KALRN: variants seen among roughly 807,000 people sequenced by gnomAD.
KALRN encodes kalirin.
KALRN carries 70 observed loss-of-function variants against 353.7 expected under a neutral mutation model. The observed-to-expected ratio is 0.20, with a 90% CI of 0.16 to 0.24. KALRN has a LOEUF of 0.24. Among genes scored for constraint, KALRN ranks in the 10% least tolerant of loss-of-function variants. The pLI is 1.00. For synonymous variants in KALRN, 1,391 were observed against 1,434.8 expected (o/e 0.97, Z 0.69); for missense variants, 2,791 against 3,756.7 (o/e 0.74, Z 6.72).
At chr3:124,230,692 C>T (rs964321770) in intron 2 of KALRN, among the ~76,000 whole-genome samples, 3 of 152,016 alleles carry the variant, frequency 2.0e-5, no homozygotes, top group Non-Finnish European at 4.4e-5. Flanking sequence ...CTGGGGTAAG[C>T]CTTATTCAAC....
intron 1 of KALRN, among the ~76,000 whole-genome samples, chr3:124,045,108 T>G (rs1162768145): frequency 6.6e-6 from 1 of 151,980 alleles, no homozygotes; most frequent in Non-Finnish European, 1.5e-5. Flanking sequence ...AATATTGAGT[T>G]GGCAGCTGGA....
At position 124,713,234 on chromosome 3, in the gene KALRN, C is replaced by A. The variant is rs924633672; in HGVS notation, c.8276+99C>A. On this transcript the variant is annotated intron_variant, in intron 58 of 59. Transcript: ENST00000682506. ...AGACAGTTACATTTTATACAAGGTC[C>A]TATCATTTGCAAAGTGCTGCATATA... The A allele has an allele frequency of 7.9e-6, 8 of 1,008,636 alleles. No homozygotes were observed. In the East Asian group the frequency reaches 1.7e-4, roughly 22 times the overall value. The allele number at this position is 1,008,636 out of a possible 1,614,324, so 62.5% of individuals were successfully genotyped here. A position where few individuals can be genotyped will look rare whatever the true frequency, so the allele number is the denominator to read the frequency against.
chr3:124,413,779 G>T, intron 14 of KALRN, 114 bp downstream of exon 14: 1 of 877,310 alleles, frequency 1.1e-6, no homozygotes, highest in South Asian at 2.0e-5. Context: ...CAGATACAAA[G>T]AATAGAGATT....
intron 56 of KALRN, among the ~76,000 whole-genome samples, chr3:124,700,356 C>T (rs1243630599): frequency 1.3e-5 from 2 of 152,166 alleles, no homozygotes; most frequent in East Asian, 1.9e-4. Context: ...TCCTCCCACC[C>T]GGGCACCCCT....
In KALRN at chr3:124,649,344, G is replaced by T. The variant is rs1209155212; in HGVS notation, c.5665-1464G>T. On this transcript the variant is annotated intron_variant, in intron 37 of 59. Coordinates refer to ENST00000682506, the MANE Select transcript of KALRN (RefSeq NM_001388419.1). Reference sequence around the variant, plus strand: ...GCAGCTCACTGAAGGCCAAGCTGAAGCCTTTCATTCCTACCTTTTTGGACT... The same window carrying T: ...GCAGCTCACTGAAGGCCAAGCTGAATCCTTTCATTCCTACCTTTTTGGACT... Among the ~76,000 whole-genome samples the T allele has an allele frequency of 2.6e-5, 4 of 152,186 alleles. 1 individual carries two copies. The highest frequency in any genetic ancestry group is 4.4e-5 in the Non-Finnish European group (3 of 68,036).
intron 51 of KALRN, among the ~76,000 whole-genome samples, chr3:124,680,318 A>C (rs772676082): frequency 1.2e-4 from 18 of 152,280 alleles, no homozygotes; most frequent in Non-Finnish European, 1.2e-4. Context: ...TCCAACTCCC[A>C]GTCTGTTGGG....
chr3:124,556,402 T>TA lies in KALRN; in HGVS notation c.4936-6431dup, dbSNP rs1041376279. 4.7e-3 allele frequency among the ~76,000 whole-genome samples: 699 copies of TA among 150,076 alleles called. 1 individual carries two copies. Among genetic ancestry groups the TA allele is most frequent in the Middle Eastern group, 0.017 (5 of 290 alleles). ...CCCAGACATTGCTTTACACATTTGC[T>TA]AAAAAAAAAATTATAATCAATTCAA... is the stretch of plus-strand genomic sequence containing the variant. On this transcript the variant is annotated intron_variant, in intron 33 of 59. Coordinates refer to ENST00000682506, the MANE Select transcript of KALRN (RefSeq NM_001388419.1).
intron 14 of KALRN, among the ~76,000 whole-genome samples, chr3:124,414,190 G>A (rs1471238013): frequency 6.6e-6 from 1 of 152,190 alleles, no homozygotes; most frequent in African/African-American, 2.4e-5. Context: ...TAGGGCCAGG[G>A]TTTCCTGGTC....
At chr3:124,613,509 T>C (rs1378135221) in intron 34 of KALRN, among the ~76,000 whole-genome samples, 1 of 152,186 alleles carries the variant, frequency 6.6e-6, no homozygotes. Flanking sequence ...AGGGGATGCT[T>C]GCTAAAGGGA....
chr3:124,556,833 G>A (rs1490902145), intron 33 of KALRN, among the ~76,000 whole-genome samples: 1 of 152,192 alleles, frequency 6.6e-6, no homozygotes, highest in African/African-American at 2.4e-5. Context: ...AACAATACCA[G>A]TGTTAACATT....
chr3:124,211,594 C>T (rs2076901906), intron 1 of KALRN, among the ~76,000 whole-genome samples: 1 of 152,200 alleles, frequency 6.6e-6, no homozygotes, highest in African/African-American at 2.4e-5. Flanking sequence ...GCAGCAGCAG[C>T]CTCCCTCCAA....
At chr3:124,462,396 C>T (rs2059938843) in intron 24 of KALRN, 128 bp from the exon 25 acceptor site, 1 of 593,748 alleles carries the variant, frequency 1.7e-6, no homozygotes, top group Non-Finnish European at 3.0e-6. Flanking sequence ...CTTAACACGT[C>T]ACTTTTTAAA....
intron 25 of KALRN, among the ~76,000 whole-genome samples, chr3:124,466,070 G>A (rs1355511381): frequency 2.1e-5 from 3 of 146,064 alleles, no homozygotes; most frequent in African/African-American, 7.5e-5. Flanking sequence ...GTGTGTGTGT[G>A]TGTGTGTCTG....
chr3:124,691,794 G>A (rs1159666999), intron 51 of KALRN, among the ~76,000 whole-genome samples: 1 of 152,050 alleles, frequency 6.6e-6, no homozygotes, highest in Admixed American at 6.5e-5. Flanking sequence ...GGCCTCTTTA[G>A]TGCCCCCCTA....
At chr3:124,602,493 A>G (rs1483412493) in intron 34 of KALRN, among the ~76,000 whole-genome samples, 1 of 152,110 alleles carries the variant, frequency 6.6e-6, no homozygotes, top group East Asian at 1.9e-4. Flanking sequence ...TCAACCTAGG[A>G]CCTGTAGTCT....
chr3:124,392,096 G>A (rs2089479211), intron 11 of KALRN, among the ~76,000 whole-genome samples: 1 of 151,724 alleles, frequency 6.6e-6, no homozygotes. Flanking sequence ...TGTCACCCAG[G>A]TGGAGTGCAG....
At chr3:124,473,042 T>C (rs1308596247) in intron 25 of KALRN, among the ~76,000 whole-genome samples, 1 of 152,250 alleles carries the variant, frequency 6.6e-6, no homozygotes, top group Non-Finnish European at 1.5e-5. Context: ...AGAAGTCATC[T>C]ATTATCCCAT....
chr3:124,522,052 G>A (rs2067207175), intron 33 of KALRN, among the ~76,000 whole-genome samples: 1 of 151,868 alleles, frequency 6.6e-6, no homozygotes. Context: ...AAGAAAGGAA[G>A]GTAGGGAGTG....
At chr3:124,586,729 A>G (rs140520033) in intron 34 of KALRN, among the ~76,000 whole-genome samples, 69 of 152,290 alleles carry the variant, frequency 4.5e-4, no homozygotes, top group African/African-American at 1.6e-3. Context: ...AAAAGGGAAA[A>G]GAAGGGTGGC....
Sources: gnomAD v4.1 joint callset for allele counts (sites outside exome capture counted in the v4.1 genomes callset) on GRCh38, gnomAD v4.1.1 for gene constraint, MANE v1.5 for transcripts, NCBI Gene and HGNC (gene_info 2026-07-23, HGNC 2026-07-21) for gene names.